Variants in CSNK1G1 observed in about 807,000 individuals in gnomAD.
The protein encoded by CSNK1G1 is casein kinase I isoform gamma-1.
CSNK1G1 carries 22 observed loss-of-function variants against 59.6 expected under a neutral mutation model. That is an observed-to-expected ratio of 0.37 (90% confidence interval 0.26 to 0.53). CSNK1G1 has a LOEUF of 0.53. Ranked by LOEUF, CSNK1G1 falls within the 20% of genes least tolerant of loss-of-function variation. The pLI is 0.89. For missense variants in CSNK1G1, 384 were observed against 519.5 expected, an observed-to-expected ratio of 0.74 and a Z score of 2.54; for synonymous variants, 179 against 177.1, an observed-to-expected ratio of 1.01 and a Z score of -0.08.
intron 1 of CSNK1G1, among the ~76,000 whole-genome samples, chr15:64,311,349 A>C (rs1895986401): frequency 6.6e-6 from 1 of 152,172 alleles, no homozygotes; most frequent in Non-Finnish European, 1.5e-5. Context: ...CCCAGCCTAC[A>C]CACGCATTTT....
At chr15:64,270,810 T>C (rs551607320) in intron 2 of CSNK1G1, among the ~76,000 whole-genome samples, 3 of 151,876 alleles carry the variant, frequency 2.0e-5, no homozygotes, top group African/African-American at 7.2e-5. Flanking sequence ...CTCTGGTATG[T>C]TGTATCTTCG....
intron 1 of CSNK1G1, among the ~76,000 whole-genome samples, chr15:64,311,431 G>A (rs1026780505): frequency 6.6e-6 from 1 of 152,108 alleles, no homozygotes; most frequent in Non-Finnish European, 1.5e-5. Flanking sequence ...ATAATTTCCA[G>A]GTGTCAAAAA....
intron 10 of CSNK1G1, chr15:64,189,613 G>A (rs925157674): frequency 2.7e-5 from 10 of 369,784 alleles, no homozygotes; most frequent in African/African-American, 1.8e-4. Context: ...AACCAGAAAG[G>A]ACTATAAATC....
intron 4 of CSNK1G1, among the ~76,000 whole-genome samples, chr15:64,244,247 A>G (rs559480110): frequency 2.6e-5 from 4 of 152,064 alleles, no homozygotes; most frequent in East Asian, 1.9e-4. Context: ...GAAAAAAATC[A>G]AGAAAGTAAT....
At chr15:64,228,219 A>T (rs2082487748) in intron 4 of CSNK1G1, among the ~76,000 whole-genome samples, 1 of 152,224 alleles carries the variant, frequency 6.6e-6, no homozygotes, top group Non-Finnish European at 1.5e-5. Flanking sequence ...GGTCTTGAAC[A>T]GGAACCACCT....
chr15:64,336,929 TG>T (rs1897416574), intron 1 of CSNK1G1, among the ~76,000 whole-genome samples: 1 of 152,122 alleles, frequency 6.6e-6, no homozygotes, highest in Non-Finnish European at 1.5e-5. Flanking sequence ...CTTGTTATTT[TG>T]AAAAAAGCAG....
At chr15:64,326,496 T>C (rs935504735) in intron 1 of CSNK1G1, among the ~76,000 whole-genome samples, 1 of 151,920 alleles carries the variant, frequency 6.6e-6, no homozygotes, top group African/African-American at 2.4e-5. Context: ...ATACAACAAT[T>C]AGCCGGGCAT....
At chr15:64,301,494 C>G (rs1211107448) in intron 1 of CSNK1G1, among the ~76,000 whole-genome samples, 1 of 151,880 alleles carries the variant, frequency 6.6e-6, no homozygotes, top group South Asian at 2.1e-4. Flanking sequence ...TTTGATTATC[C>G]ATGTGAGTAT....
rs547470670 is a variant in CSNK1G1, at chr15:64,284,580, T to A, written c.181+15739A>T. On this transcript the variant is annotated intron_variant, in intron 2 of 11. Transcript: ENST00000303052. Reference sequence around the variant, plus strand: ...ATTTTATTCTTGATGCTAATGTAAGTGAAATTTTTAATTTTTTTAATTTTT... The same window carrying A: ...ATTTTATTCTTGATGCTAATGTAAGAGAAATTTTTAATTTTTTTAATTTTT... 2.1e-3 allele frequency among the ~76,000 whole-genome samples: 314 copies of A among 152,194 alleles called. 1 individual carries two copies. The highest frequency in any genetic ancestry group is 7.3e-3 in the African/African-American group (303 of 41,562).
At chr15:64,184,530 A>G (rs908472133) in intron 10 of CSNK1G1, among the ~76,000 whole-genome samples, 14 of 151,550 alleles carry the variant, frequency 9.2e-5, no homozygotes, top group Admixed American at 2.6e-4. Context: ...ACAAAAAATC[A>G]GCTGGGCGTG....
At chr15:64,266,548 G>C (rs1396356409) in intron 2 of CSNK1G1, among the ~76,000 whole-genome samples, 1 of 151,874 alleles carries the variant, frequency 6.6e-6, no homozygotes, top group African/African-American at 2.4e-5. Flanking sequence ...AACCACAAAA[G>C]ATTCCAAATA....
At chr15:64,217,106 T>C (rs1447597396) in intron 4 of CSNK1G1, among the ~76,000 whole-genome samples, 2 of 152,240 alleles carry the variant, frequency 1.3e-5, no homozygotes, top group African/African-American at 2.4e-5. Context: ...TTACATTATC[T>C]GGTTCATGAG....
intron 3 of CSNK1G1, among the ~76,000 whole-genome samples, chr15:64,256,826 G>A (rs1374298978): frequency 2.0e-5 from 3 of 152,078 alleles, no homozygotes; most frequent in African/African-American, 4.8e-5. Context: ...CAGCAGCAGA[G>A]CTTCCTTGCA....
intron 2 of CSNK1G1, chr15:64,265,761 C>T (rs1248367014): frequency 4.4e-6 from 2 of 454,862 alleles, no homozygotes; most frequent in African/African-American, 2.0e-5. Flanking sequence ...GAAGAACACA[C>T]ACACCAAAAA....
At chr15:64,294,346 T>A (rs1894899575) in intron 2 of CSNK1G1, among the ~76,000 whole-genome samples, 1 of 152,058 alleles carries the variant, frequency 6.6e-6, no homozygotes, top group Non-Finnish European at 1.5e-5. Flanking sequence ...AGGGCTGGGA[T>A]TACAGGCATG....
chr15:64,189,815 C>CT (rs970702567), intron 10 of CSNK1G1, among the ~76,000 whole-genome samples: 2,655 of 127,280 alleles, frequency 0.021, 73 homozygotes, highest in African/African-American at 0.051. Context: ...CTACAATTTA[C>CT]TTTTTTTTTT....
intron 2 of CSNK1G1, among the ~76,000 whole-genome samples, chr15:64,262,970 T>C (rs979879690): frequency 3.3e-5 from 5 of 150,284 alleles, no homozygotes; most frequent in African/African-American, 1.2e-4. Context: ...TCTCACCTAA[T>C]TGGGAGGCTG....
chr15:64,227,582 T>C (rs1420590795), intron 4 of CSNK1G1, among the ~76,000 whole-genome samples: 3 of 152,230 alleles, frequency 2.0e-5, no homozygotes, highest in Admixed American at 6.5e-5. Flanking sequence ...CAGTAACTTC[T>C]TCCTACCCTT....
At chr15:64,220,683 C>T (rs976789582) in intron 4 of CSNK1G1, among the ~76,000 whole-genome samples, 6 of 151,930 alleles carry the variant, frequency 3.9e-5, no homozygotes, top group African/African-American at 1.5e-4. Flanking sequence ...CCTCAGCCTC[C>T]TGAGTAGCTG....
Sources: allele counts gnomAD v4.1 joint callset (sites outside exome capture counted in the v4.1 genomes callset), GRCh38; gene constraint gnomAD v4.1.1; transcripts MANE v1.5; gene names NCBI Gene and HGNC (gene_info 2026-07-23, HGNC 2026-07-21).